The following HDAC9 variants were observed in gnomAD, a reference collection of about 807,000 sequenced individuals.
HDAC9 encodes the protein histone deacetylase 9, also known as MEF-2 interacting transcription repressor (MITR) protein.
Under a neutral mutation model 139.4 loss-of-function variants are expected in HDAC9, and 41 were observed. That is an observed-to-expected ratio of 0.29 (90% CI 0.23 to 0.38). The LOEUF (loss-of-function observed/expected upper bound fraction) is 0.38. HDAC9 is among the 10% of genes least tolerant of loss of function. The pLI is 1.00. For missense variants in HDAC9, 1,147 were observed against 1,297.0 expected, an observed-to-expected ratio of 0.88 and a Z score of 1.78; for synonymous variants, 517 against 476.2, an observed-to-expected ratio of 1.09 and a Z score of -1.12.
At chr7:18,185,350 G>A (rs1229646037) in intron 2 of HDAC9, among the ~76,000 whole-genome samples, 3 of 152,116 alleles carry the variant, frequency 2.0e-5, no homozygotes, top group Non-Finnish European at 2.9e-5. Flanking sequence ...GTGAGTATTC[G>A]TTAAACCTCC....
At chr7:18,468,698 C>A (rs924594065) in intron 1 of HDAC9, among the ~76,000 whole-genome samples, 4 of 152,110 alleles carry the variant, frequency 2.6e-5, no homozygotes, top group Non-Finnish European at 5.9e-5. Context: ...AGAAGCCTGG[C>A]ACCTGGTAAA....
intron 1 of HDAC9, among the ~76,000 whole-genome samples, chr7:18,419,020 A>G (rs1269892303): frequency 6.6e-6 from 1 of 152,340 alleles, no homozygotes; most frequent in East Asian, 1.9e-4. Flanking sequence ...ACAATGGCAC[A>G]TGTCTGAATG....
intron 2 of HDAC9, among the ~76,000 whole-genome samples, chr7:18,234,646 C>T (rs1056265319): frequency 2.8e-4 from 43 of 152,334 alleles, no homozygotes; most frequent in African/African-American, 1.0e-3. Context: ...AGTCTGTGTA[C>T]TCCAGAGCCT....
intron 1 of HDAC9, among the ~76,000 whole-genome samples, chr7:18,113,645 T>C (rs1478626320): frequency 1.3e-5 from 2 of 152,232 alleles, no homozygotes; most frequent in Admixed American, 1.3e-4. Flanking sequence ...TTCACTTGGA[T>C]TCTTGCTTTT....
At chr7:18,249,186 TAAATA>T (rs1018381855) in intron 2 of HDAC9, among the ~76,000 whole-genome samples, 1 of 152,164 alleles carries the variant, frequency 6.6e-6, no homozygotes, top group Non-Finnish European at 1.5e-5. Flanking sequence ...AGTGAATTCT[TAAATA>T]AAATAATATT....
At chr7:18,336,594 T>G (rs1781603599) in intron 1 of HDAC9, among the ~76,000 whole-genome samples, 1 of 151,692 alleles carries the variant, frequency 6.6e-6, no homozygotes. Context: ...TGGGTGAGAT[T>G]TAATTATTAT....
At chr7:18,912,814 A>C (rs1436822737) in intron 22 of HDAC9, among the ~76,000 whole-genome samples, 1 of 152,140 alleles carries the variant, frequency 6.6e-6, no homozygotes, top group Non-Finnish European at 1.5e-5. Flanking sequence ...ATTACTCAGA[A>C]GTTTGGGTAA....
At chr7:18,279,284 C>T (rs548996521) in intron 2 of HDAC9, among the ~76,000 whole-genome samples, 13 of 152,216 alleles carry the variant, frequency 8.5e-5, no homozygotes, top group Middle Eastern at 3.4e-3. Context: ...TTTTCCACCA[C>T]CAATTTTATC....
In HDAC9 at chr7:18,727,569, C is replaced by G. The variant is rs1368903799; in HGVS notation, c.1732-11C>G. ...ACATTTCTTTCTACTGTGCTCTTTT[C>G]TTGGCAACAGCCTTTCCTGGAACCC... On this transcript the variant is annotated splice_polypyrimidine_tract_variant and intron_variant, in intron 12 of 25. Transcript: ENST00000686413. 1 of 1,582,680 alleles carries G rather than the reference C, an allele frequency of 6.3e-7. No homozygotes were observed. The highest frequency in any genetic ancestry group is 8.6e-7 in the Non-Finnish European group (1 of 1,165,184).
At chr7:18,722,236 A>C (rs1299487911) in intron 12 of HDAC9, among the ~76,000 whole-genome samples, 2 of 152,198 alleles carry the variant, frequency 1.3e-5, no homozygotes, top group Non-Finnish European at 2.9e-5. Context: ...AGAAAGACGA[A>C]TACTTTGACT....
intron 1 of HDAC9, among the ~76,000 whole-genome samples, chr7:18,393,400 C>G (rs918898930): frequency 6.6e-6 from 1 of 152,098 alleles, no homozygotes; most frequent in Admixed American, 6.5e-5. Context: ...GTAGAGGGAA[C>G]AGAGGAGATT....
At position 18,571,431 on chromosome 7, in the gene HDAC9, G is replaced by C. The variant is rs545662481; in HGVS notation, c.23-13850G>C. Among the ~76,000 whole-genome samples the C allele has an allele frequency of 4.6e-5, 7 of 152,246 alleles. No homozygotes were observed. In the South Asian group the frequency reaches 1.2e-3, roughly 27 times the overall value. On this transcript the variant is annotated intron_variant, in intron 2 of 25. Coordinates refer to ENST00000686413, the MANE Select transcript of HDAC9 (RefSeq NM_178425.4). ...GAGGAAGTGAGTGGATAGAACCTTG[G>C]TTCCTCCTCTCCGTCTTTTCTAAAA...
At chr7:18,848,894 A>C (rs1797086638) in intron 21 of HDAC9, among the ~76,000 whole-genome samples, 1 of 152,206 alleles carries the variant, frequency 6.6e-6, no homozygotes, top group African/African-American at 2.4e-5. Flanking sequence ...ATGTAAATTC[A>C]TGTTAACAAC....
At chr7:18,897,443 A>G (rs77937375) in intron 22 of HDAC9, among the ~76,000 whole-genome samples, 1,729 of 152,108 alleles carry the variant, frequency 0.011, 32 homozygotes, top group African/African-American at 0.039. Flanking sequence ...ATAAATAAAA[A>G]TAATGTGACT....
In HDAC9 at chr7:18,158,475, A is replaced by G. The variant is rs1041659012; in HGVS notation, c.-96-3754A>G. 5.3e-5 allele frequency among the ~76,000 whole-genome samples: 8 copies of G among 152,312 alleles called. No homozygotes were observed. In the East Asian group the frequency reaches 1.5e-3, roughly 29 times the overall value. ...CTTGATGTTCATACAGCTCTGCTCA[A>G]GTGGTCTGTAATTCCTTGCAATGCC... On this transcript the variant is annotated intron_variant, in intron 1 of 12. Coordinates refer to the HDAC9 transcript ENST00000417496.
chr7:18,940,176 A>G (rs569413226), intron 23 of HDAC9, among the ~76,000 whole-genome samples: 4 of 152,252 alleles, frequency 2.6e-5, no homozygotes, highest in Admixed American at 2.0e-4. Flanking sequence ...CTGTGTAGAC[A>G]CATAGAGGGG....
chr7:18,635,865 T>C (rs1783726298), intron 8 of HDAC9, among the ~76,000 whole-genome samples: 1 of 152,110 alleles, frequency 6.6e-6, no homozygotes, highest in Non-Finnish European at 1.5e-5. Context: ...CACTGTCTCC[T>C]GAGGCAACCC....
chr7:18,978,111 G>A (rs887021195), intron 25 of HDAC9, among the ~76,000 whole-genome samples: 1 of 152,126 alleles, frequency 6.6e-6, no homozygotes, highest in Admixed American at 6.6e-5. Context: ...TCTTATGAAT[G>A]CAATATTATA....
intron 6 of HDAC9, among the ~76,000 whole-genome samples, chr7:18,622,633 T>C (rs1840524090): frequency 6.6e-6 from 1 of 151,894 alleles, no homozygotes; most frequent in African/African-American, 2.4e-5. Flanking sequence ...AAAGAAACAT[T>C]TATTAATCTA....
Sources: gnomAD v4.1 joint callset for allele counts (sites outside exome capture counted in the v4.1 genomes callset) on GRCh38, gnomAD v4.1.1 for gene constraint, MANE v1.5 for transcripts, NCBI Gene and HGNC (gene_info 2026-07-23, HGNC 2026-07-21) for gene names.